FGFR2: variants seen among roughly 807,000 people sequenced by gnomAD.
FGFR2 encodes the protein BEK fibroblast growth factor receptor.
In FGFR2, 19 loss-of-function variants were observed where a neutral mutation model predicts 95.9. The observed-to-expected ratio is 0.20, with a 90% CI of 0.14 to 0.29. The LOEUF is 0.29. FGFR2 is among the 10% of genes least tolerant of loss of function. FGFR2 has a pLI of 1.00. For synonymous variants in FGFR2, 392 were observed against 393.3 expected (o/e 1.00, Z 0.04); for missense variants, 707 against 1,056.9 (o/e 0.67, Z 4.59).
chr10:121,533,744 A>G (rs1852404798), intron 6 of FGFR2, among the ~76,000 whole-genome samples: 1 of 152,194 alleles, frequency 6.6e-6, no homozygotes, highest in South Asian at 2.1e-4. Flanking sequence ...GTGAACATCA[A>G]ATGAAGAAGT....
At chr10:121,589,997 C>T in intron 2 of FGFR2, among the ~76,000 whole-genome samples, 1 of 152,162 alleles carries the variant, frequency 6.6e-6, no homozygotes, top group Non-Finnish European at 1.5e-5. Context: ...ATACTTCTAA[C>T]AAAGGACTTA....
intron 12 of FGFR2, 94 bp downstream of exon 12, chr10:121,498,401 C>CTCTGGGAGCAGGA: frequency 1.2e-6 from 1 of 832,178 alleles, no homozygotes; most frequent in South Asian, 1.4e-5. Flanking sequence ...ACACAGGGTG[C>CTCTGGGAGCAGGA]TCTGGGAGCA....
intron 13 of FGFR2, among the ~76,000 whole-genome samples, chr10:121,496,329 C>T (rs968425261): frequency 6.6e-6 from 1 of 152,198 alleles, no homozygotes; most frequent in Non-Finnish European, 1.5e-5. Flanking sequence ...CTCATCTCTG[C>T]AGCGATGCTA....
intron 2 of FGFR2, among the ~76,000 whole-genome samples, chr10:121,573,038 T>C (rs745987157): frequency 3.9e-5 from 6 of 152,334 alleles, no homozygotes; most frequent in Non-Finnish European, 5.9e-5. Flanking sequence ...CTTGAGACAG[T>C]TGAAACAGCA....
chr10:121,507,658 A>G (rs1351816915), intron 9 of FGFR2, among the ~76,000 whole-genome samples: 1 of 152,202 alleles, frequency 6.6e-6, no homozygotes, highest in Non-Finnish European at 1.5e-5. Context: ...TGAGGGAAAA[A>G]AAAACTGATG....
chr10:121,553,623 A>T (rs1288729611), intron 4 of FGFR2, among the ~76,000 whole-genome samples: 1 of 152,240 alleles, frequency 6.6e-6, no homozygotes, highest in African/African-American at 2.4e-5. Flanking sequence ...GTCTGCACTC[A>T]TGTCATTTGT....
chr10:121,543,916 G>A (rs1008321001), intron 5 of FGFR2, among the ~76,000 whole-genome samples: 2 of 152,142 alleles, frequency 1.3e-5, no homozygotes, highest in African/African-American at 2.4e-5. Flanking sequence ...AGGTGGCTGC[G>A]GCAGGACATC....
Position 121,479,357 on chromosome 10 carries a change from A to G in FGFR2, c.*500T>C. The G allele has an allele frequency of 3.4e-6, 1 of 294,484 alleles. No individual in the cohort carries two copies. The highest frequency in any genetic ancestry group is 5.1e-5 in the East Asian group (1 of 19,628). The allele number at this position is 294,484 out of a possible 1,614,324, so 18.2% of individuals were successfully genotyped here. On this transcript the variant is annotated 3_prime_UTR_variant, in exon 18 of 18. Transcript: ENST00000358487. ...GCATTTAGCAAATAGCTATTAAAAA[A>G]AGAGAGACCAATTTTCTAGGTGCAT...
At position 121,515,067 on chromosome 10, in the gene FGFR2, G is replaced by C. The variant is rs74160621; in HGVS notation, c.1287+50C>G. 2.4e-4 allele frequency: 368 copies of C among 1,561,236 alleles called. No homozygotes were observed. The African/African-American group carries it at 4.6e-3, about 19-fold the overall frequency. ...AGCAGAGGACAAGATCCACAAGCTG[G>C]CTGGGTCATGGGGGAGGAGTAAATT... On this transcript the variant is annotated intron_variant, in intron 9 of 17. Transcript: ENST00000358487.
chr10:121,595,247 GGA>G (rs1203650697), intron 1 of FGFR2, among the ~76,000 whole-genome samples: 1 of 152,172 alleles, frequency 6.6e-6, no homozygotes, highest in Non-Finnish European at 1.5e-5. Context: ...CAACACTGCT[GGA>G]GCCTCCCCAA....
chr10:121,562,793 A>G (rs1451619691), intron 4 of FGFR2, among the ~76,000 whole-genome samples: 1 of 152,202 alleles, frequency 6.6e-6, no homozygotes, highest in Non-Finnish European at 1.5e-5. Flanking sequence ...TTTGGGTGAT[A>G]ATGATGGCAG....
rs1223842604 is a variant in FGFR2, at chr10:121,479,633, T to C, written c.*224A>G. 5.8e-6 allele frequency: 9 copies of C among 1,551,782 alleles called. No homozygotes were observed. Among genetic ancestry groups the C allele is most frequent in the Non-Finnish European group, 7.8e-6 (9 of 1,147,016 alleles). ...CAGGTGAGAGGGGTTACATGGTGGC[T>C]TGTGGCAGTCCACTGCTCCAGAAAC... On this transcript the variant is annotated 3_prime_UTR_variant, in exon 18 of 18. Coordinates refer to ENST00000358487, the MANE Select transcript of FGFR2 (RefSeq NM_000141.5).
At chr10:121,500,803 G>C (rs765457884) in intron 11 of FGFR2, 23 bp downstream of exon 11, 2 of 1,611,200 alleles carry the variant, frequency 1.2e-6, no homozygotes, top group Non-Finnish European at 1.7e-6. Context: ...GCCCCTCCCC[G>C]AGCCTCCCGC....
Position 121,538,640 on chromosome 10 carries a change from C to G in FGFR2, c.700G>C (p.Glu234Gln), listed in dbSNP as rs779806520. 1 of 1,614,170 alleles carries G rather than the reference C, an allele frequency of 6.2e-7. No individual in the cohort carries two copies. ...SDKGNYTCVV[E>Q]NEYGSINHTY... ...TGATTGATGGACCCGTATTCATTCT[C>G]CACTACACAGGTATAATTTCCCTTG... The change falls in exon 6 of 18, where the codon GAG becomes CAG. Residue 234 changes from glutamate (E) to glutamine (Q), a missense_variant. Transcript: ENST00000358487.
At chr10:121,504,277 C>T (rs527813907) in intron 9 of FGFR2, among the ~76,000 whole-genome samples, 2 of 151,910 alleles carry the variant, frequency 1.3e-5, no homozygotes, top group African/African-American at 4.9e-5. Flanking sequence ...TTCATTAGTG[C>T]CTTTATGGTT....
intron 9 of FGFR2, among the ~76,000 whole-genome samples, chr10:121,507,576 A>T (rs959680138): frequency 6.6e-6 from 1 of 152,180 alleles, no homozygotes; most frequent in Non-Finnish European, 1.5e-5. Flanking sequence ...CGACAGAGCA[A>T]GACTCCATCT....
intron 1 of FGFR2, among the ~76,000 whole-genome samples, chr10:121,597,601 C>T (rs1863641325): frequency 1.3e-5 from 2 of 152,238 alleles, no homozygotes; most frequent in Admixed American, 6.5e-5. Flanking sequence ...AACCGGCCTG[C>T]GGGGCTGTGC....
At chr10:121,496,784 A>C in intron 12 of FGFR2, 62 bp from the exon 13 acceptor site, 1 of 1,471,954 alleles carries the variant, frequency 6.8e-7, no homozygotes, top group South Asian at 1.1e-5. Flanking sequence ...TGGGCAATTC[A>C]GCAAAACATT....
At chr10:121,495,086 A>G (rs1846607988) in intron 13 of FGFR2, among the ~76,000 whole-genome samples, 1 of 152,120 alleles carries the variant, frequency 6.6e-6, no homozygotes, top group Non-Finnish European at 1.5e-5. Flanking sequence ...ATCTTGTCAA[A>G]TGTCCCATGT....
Sources: allele counts gnomAD v4.1 joint callset (sites outside exome capture counted in the v4.1 genomes callset), GRCh38; gene constraint gnomAD v4.1.1; transcripts MANE v1.5; gene names NCBI Gene and HGNC (gene_info 2026-07-23, HGNC 2026-07-21).